ANKRD31: variants seen among roughly 807,000 people sequenced by gnomAD.
ANKRD31 encodes ankyrin repeat domain 31.
In ANKRD31, 147 loss-of-function variants were observed where a neutral mutation model predicts 186.0. The observed-to-expected ratio is 0.79, with a 90% CI of 0.69 to 0.91. The LOEUF (loss-of-function observed/expected upper bound fraction) is 0.91. Ranked by LOEUF, ANKRD31 falls within the 40% of genes least tolerant of loss-of-function variation. The pLI is 0.00. For missense variants in ANKRD31, 1,986 were observed against 2,148.8 expected (o/e 0.92, Z 1.50); for synonymous variants, 673 against 736.4 (o/e 0.91, Z 1.39).
At chr5:75,190,179 C>G (rs1400356030) in intron 9 of ANKRD31, among the ~76,000 whole-genome samples, 1 of 152,060 alleles carries the variant, frequency 6.6e-6, no homozygotes, top group East Asian at 1.9e-4. Flanking sequence ...ACCACCATGC[C>G]CAGCTAATTT....
At chr5:75,120,328 A>T (rs1417173753) in intron 17 of ANKRD31, among the ~76,000 whole-genome samples, 1 of 152,130 alleles carries the variant, frequency 6.6e-6, no homozygotes, top group Admixed American at 6.6e-5. Context: ...CTGGGAGGTC[A>T]AGGCTTCAGT....
At chr5:75,170,036 A>C (rs1753205766) in intron 10 of ANKRD31, among the ~76,000 whole-genome samples, 1 of 152,156 alleles carries the variant, frequency 6.6e-6, no homozygotes, top group Non-Finnish European at 1.5e-5. Context: ...TTTGACGAAG[A>C]AATGAAGAGA....
intron 5 of ANKRD31, among the ~76,000 whole-genome samples, chr5:75,204,064 G>A (rs912552345): frequency 2.0e-5 from 3 of 152,000 alleles, no homozygotes; most frequent in African/African-American, 7.2e-5. Flanking sequence ...CTATATCTAA[G>A]ACATGAAAAC....
intron 15 of ANKRD31, among the ~76,000 whole-genome samples, chr5:75,139,549 T>C (rs959703016): frequency 6.6e-6 from 1 of 152,114 alleles, no homozygotes; most frequent in Non-Finnish European, 1.5e-5. Context: ...TTCCCCCTAT[T>C]TCCTGCCAAA....
chr5:75,157,128 T>C (rs148287055), intron 11 of ANKRD31, among the ~76,000 whole-genome samples: 6 of 152,284 alleles, frequency 3.9e-5, no homozygotes, highest in African/African-American at 1.4e-4. Flanking sequence ...AGAGAGAACC[T>C]GTATCATCTT....
intron 10 of ANKRD31, among the ~76,000 whole-genome samples, chr5:75,172,204 T>A (rs1162593327): frequency 6.6e-6 from 1 of 151,900 alleles, no homozygotes; most frequent in Non-Finnish European, 1.5e-5. Context: ...GAATGATACA[T>A]CATGACCAGA....
intron 22 of ANKRD31, among the ~76,000 whole-genome samples, chr5:75,101,042 G>T (rs1056770908): frequency 2.0e-5 from 3 of 152,154 alleles, no homozygotes; most frequent in African/African-American, 7.2e-5. Flanking sequence ...AGTTTGGCAT[G>T]TTTTTTGCAG....
chr5:75,226,826 T>C (rs977786015), intron 2 of ANKRD31, among the ~76,000 whole-genome samples: 2 of 152,174 alleles, frequency 1.3e-5, no homozygotes, highest in African/African-American at 2.4e-5. Flanking sequence ...GGTGGGAATG[T>C]AAATTAGTAC....
Position 75,105,064 on chromosome 5 carries a change from T to G in ANKRD31, c.4495A>C (p.Ser1499Arg). Residue 1499 changes from serine to arginine, a missense_variant, in exon 22 of 26, where the codon AGT becomes CGT. Transcript: ENST00000506364. ...GATCTGGGTGGGAGCTTCCTTAAAC[T>G]AAGACAAGGCAATGATGTAACATTC... ...CRNVTSLPCL[S>R]LRKLPPRSEI... 6.5e-7 allele frequency: 1 copy of G among 1,537,004 alleles called. No homozygotes were observed. Among genetic ancestry groups the G allele is most frequent in the Non-Finnish European group, 8.7e-7 (1 of 1,146,826 alleles).
intron 25 of ANKRD31, among the ~76,000 whole-genome samples, chr5:75,068,934 C>T (rs964137859): frequency 6.6e-6 from 1 of 152,152 alleles, no homozygotes; most frequent in African/African-American, 2.4e-5. Flanking sequence ...GTGGTACAAG[C>T]TCCTCTCTGC....
chr5:75,132,603 T>C (rs966993846), intron 17 of ANKRD31, among the ~76,000 whole-genome samples: 2 of 152,114 alleles, frequency 1.3e-5, no homozygotes, highest in Admixed American at 1.3e-4. Context: ...CAGGATATTA[T>C]CCAGGAGAAC....
Position 75,105,115 on chromosome 5 carries a change from T to A in ANKRD31, c.4444A>T (p.Ile1482Leu). Residue 1482 changes from isoleucine to leucine, a missense_variant, in exon 22 of 26, where the codon ATA becomes TTA. Coordinates refer to ENST00000506364, the MANE Select transcript of ANKRD31 (RefSeq NM_001372053.1). ...CTACAGTTTTGAATTTTCAGGCTTA[T>A]TTTTTTCTGTTTTTTTGCCACAACT... ...LLVVAKKQKKISLKIQNCRNV... is the reference protein window; with the variant it reads ...LLVVAKKQKKLSLKIQNCRNV... The A allele has an allele frequency of 1.3e-6, 2 of 1,537,064 alleles. No homozygotes were observed. Among genetic ancestry groups the A allele is most frequent in the Non-Finnish European group, 8.7e-7 (1 of 1,146,828 alleles).
At chr5:75,203,534 G>A (rs112889526) in intron 5 of ANKRD31, among the ~76,000 whole-genome samples, 3 of 151,852 alleles carry the variant, frequency 2.0e-5, no homozygotes, top group Non-Finnish European at 2.9e-5. Flanking sequence ...CTGGTGGCAC[G>A]TGCCTATAAT....
At chr5:75,148,703 C>A (rs2150149683) in intron 12 of ANKRD31, 75 bp from the exon 13 acceptor site, 1 of 1,129,330 alleles carries the variant, frequency 8.9e-7, no homozygotes, top group Admixed American at 3.0e-5. Context: ...CCCACCAGTC[C>A]TTTGCCACGA....
chr5:75,233,147 C>T (rs1758057039), intron 1 of ANKRD31, among the ~76,000 whole-genome samples: 1 of 151,898 alleles, frequency 6.6e-6, no homozygotes, highest in Non-Finnish European at 1.5e-5. Context: ...ACTGCAACCT[C>T]CGCCTTCCAG....
At chr5:75,167,606 G>GT (rs1312413723) in intron 11 of ANKRD31, among the ~76,000 whole-genome samples, 2 of 152,216 alleles carry the variant, frequency 1.3e-5, no homozygotes, top group East Asian at 3.8e-4. Flanking sequence ...AGGGAATGCA[G>GT]TAAGTGGGGA....
chr5:75,177,018 C>T (rs1190414938), intron 10 of ANKRD31, among the ~76,000 whole-genome samples: 1 of 152,106 alleles, frequency 6.6e-6, no homozygotes, highest in East Asian at 1.9e-4. Flanking sequence ...CTAGAATAAT[C>T]AATGCAGAGA....
At chr5:75,081,922 C>T (rs1361975556) in intron 24 of ANKRD31, among the ~76,000 whole-genome samples, 1 of 152,138 alleles carries the variant, frequency 6.6e-6, no homozygotes, top group East Asian at 1.9e-4. Flanking sequence ...GTAAGAGTCA[C>T]TTTAAAAAAT....
At position 75,084,191 on chromosome 5, in the gene ANKRD31, G is replaced by A. The variant is rs575066816; in HGVS notation, c.5575+81C>T. 9.6e-6 allele frequency: 10 copies of A among 1,041,484 alleles called. No individual in the cohort carries two copies. In the East Asian group the frequency reaches 2.6e-4, roughly 27 times the overall value. The allele number at this position is 1,041,484 out of a possible 1,614,324, so 64.5% of individuals were successfully genotyped here. A position where few individuals can be genotyped will look rare whatever the true frequency, so the allele number is the denominator to read the frequency against. On this transcript the variant is annotated intron_variant, in intron 24 of 25. Transcript: ENST00000506364. ...TTAATTTCACATCAATGAGAAAAAA[G>A]ACAAAATAAAATGAGTGCTTTTCCA... is the stretch of plus-strand genomic sequence containing the variant.
Sources: allele counts gnomAD v4.1 joint callset (sites outside exome capture counted in the v4.1 genomes callset), GRCh38; gene constraint gnomAD v4.1.1; transcripts MANE v1.5; gene names NCBI Gene and HGNC (gene_info 2026-07-23, HGNC 2026-07-21).